Variants in PDE10A observed in about 807,000 individuals in gnomAD.
The protein encoded by PDE10A is cAMP and cAMP-inhibited cGMP 3',5'-cyclic phosphodiesterase 10A.
A neutral mutation model predicts 97.7 loss-of-function variants in PDE10A; 39 were observed. The observed-to-expected ratio is 0.40, with a 90% CI of 0.31 to 0.52. The LOEUF (loss-of-function observed/expected upper bound fraction) is 0.52. Ranked by LOEUF, PDE10A falls within the 20% of genes least tolerant of loss-of-function variation. The pLI, the probability that PDE10A is intolerant of heterozygous loss-of-function variation, is 0.56. For synonymous variants in PDE10A, 371 were observed against 376.8 expected (o/e 0.98, Z 0.18); for missense variants, 731 against 1,047.8 (o/e 0.70, Z 4.17).
At chr6:165,566,389 T>C (rs1784780782) in intron 1 of PDE10A, among the ~76,000 whole-genome samples, 1 of 152,136 alleles carries the variant, frequency 6.6e-6, no homozygotes, top group Non-Finnish European at 1.5e-5. Flanking sequence ...CATACCTATT[T>C]AAATGGCCAA....
chr6:165,339,798 T>C (rs1311821328), intron 19 of PDE10A, among the ~76,000 whole-genome samples: 1 of 152,210 alleles, frequency 6.6e-6, no homozygotes, highest in African/African-American at 2.4e-5. Context: ...TCGACTAAAA[T>C]GTGCTAGTAA....
intron 1 of PDE10A, among the ~76,000 whole-genome samples, chr6:165,625,917 C>T (rs535529330): frequency 8.5e-5 from 13 of 152,260 alleles, no homozygotes; most frequent in South Asian, 4.1e-4. Flanking sequence ...ATATATGATT[C>T]GTTGCGTTCG....
In PDE10A at chr6:165,447,873, A is replaced by T. The variant is rs570904415; in HGVS notation, c.1194+1055T>A. ...ATAAGCCTTTCATTTTTGAGGTAAC[A>T]AGCGTAATTTGTTACAATACAAGGG... On this transcript the variant is annotated intron_variant, in intron 5 of 21. Coordinates refer to ENST00000539869, the MANE Select transcript of PDE10A (RefSeq NM_001385079.1). Among the ~76,000 whole-genome samples, 8 of 152,360 alleles carry T rather than the reference A, an allele frequency of 5.3e-5. No individual in the cohort carries two copies. The South Asian group carries it at 1.4e-3, about 28-fold the overall frequency.
chr6:165,788,082 A>G (rs1778542132), intron 1 of PDE10A, among the ~76,000 whole-genome samples: 1 of 152,214 alleles, frequency 6.6e-6, no homozygotes, highest in Non-Finnish European at 1.5e-5. Context: ...CATCCTTGCT[A>G]TATTAACTGA....
Position 165,430,362 on chromosome 6 carries a change from T to A in PDE10A, c.1543-17A>T, listed in dbSNP as rs1789463826. Reference sequence around the variant, plus strand: ...TCTGCATACCTACCATATAAAATAATAGGTACAATTACAAGAGATTTCTGC... The same window carrying A: ...TCTGCATACCTACCATATAAAATAAAAGGTACAATTACAAGAGATTTCTGC... On this transcript the variant is annotated splice_polypyrimidine_tract_variant and intron_variant, in intron 8 of 21. Transcript: ENST00000539869. 6.7e-7 allele frequency: 1 copy of A among 1,489,940 alleles called. No homozygotes were observed. The highest frequency in any genetic ancestry group is 1.4e-5 in the African/African-American group (1 of 71,864). 92.3% of individuals were successfully genotyped at this position (1,489,940 alleles called of 1,614,324 possible). A position where few individuals can be genotyped will look rare whatever the true frequency, so the allele number is the denominator to read the frequency against.
chr6:165,811,999 C>T (rs1460257636), intron 1 of PDE10A, among the ~76,000 whole-genome samples: 1 of 152,100 alleles, frequency 6.6e-6, no homozygotes, highest in Non-Finnish European at 1.5e-5. Context: ...ATTACAGGCA[C>T]ACGCCACCAT....
intron 2 of PDE10A, among the ~76,000 whole-genome samples, chr6:165,514,454 T>A (rs1037863963): frequency 6.6e-6 from 1 of 152,206 alleles, no homozygotes; most frequent in Non-Finnish European, 1.5e-5. Context: ...CCTGTATCAG[T>A]GTGTAAACCT....
intron 1 of PDE10A, among the ~76,000 whole-genome samples, chr6:165,612,376 G>A (rs1031259415): frequency 3.4e-5 from 5 of 147,636 alleles, no homozygotes; most frequent in Admixed American, 6.8e-5. Flanking sequence ...AATAAACACA[G>A]ATTTTTTTTT....
At chr6:165,714,010 T>G (rs916011143) in intron 1 of PDE10A, among the ~76,000 whole-genome samples, 7 of 152,198 alleles carry the variant, frequency 4.6e-5, no homozygotes, top group Non-Finnish European at 1.0e-4. Flanking sequence ...ACTGCCCATG[T>G]ATAGGGAGGG....
intron 1 of PDE10A, among the ~76,000 whole-genome samples, chr6:165,980,641 G>A (rs1784986308): frequency 6.6e-6 from 1 of 152,194 alleles, no homozygotes; most frequent in African/African-American, 2.4e-5. Flanking sequence ...ATGTGCTCAG[G>A]AAATTTCTGG....
chr6:165,459,522 T>TAGATAGATAGAC (rs1218763848), intron 3 of PDE10A, among the ~76,000 whole-genome samples: 30 of 106,182 alleles, frequency 2.8e-4, no homozygotes, highest in East Asian at 2.0e-3. Context: ...GATAGATAGA[T>TAGATAGATAGAC]AGACAGACAG....
intron 18 of PDE10A, among the ~76,000 whole-genome samples, chr6:165,351,171 C>A (rs1375721157): frequency 6.6e-6 from 1 of 151,992 alleles, no homozygotes; most frequent in African/African-American, 2.4e-5. Context: ...TGACTTTATA[C>A]ACAATTGGGC....
At chr6:165,588,862 T>C (rs1786082838) in intron 1 of PDE10A, among the ~76,000 whole-genome samples, 1 of 152,152 alleles carries the variant, frequency 6.6e-6, no homozygotes, top group Admixed American at 6.5e-5. Context: ...TTTGTGAATG[T>C]TAAATGAGGT....
chr6:165,893,100 G>A (rs1781848495), intron 1 of PDE10A, among the ~76,000 whole-genome samples: 1 of 152,140 alleles, frequency 6.6e-6, no homozygotes, highest in African/African-American at 2.4e-5. Flanking sequence ...ACTCCATTTT[G>A]AAATAGTTAC....
chr6:165,332,967 T>G lies in PDE10A; in HGVS notation c.*58A>C. 1.1e-5 allele frequency: 6 copies of G among 552,636 alleles called. No individual in the cohort carries two copies. Among genetic ancestry groups the G allele is most frequent in the Admixed American group, 5.4e-5 (2 of 36,822 alleles). The allele number at this position is 552,636 out of a possible 1,614,324, so 34.2% of individuals were successfully genotyped here. On this transcript the variant is annotated 3_prime_UTR_variant, in exon 22 of 22. Coordinates refer to ENST00000539869, the MANE Select transcript of PDE10A (RefSeq NM_001385079.1). ...ACCCCCCCCAAAAAAAGGAAAAGAA[T>G]GTCAAAGAAGCAAGATGAGGATCTG...
intron 2 of PDE10A, among the ~76,000 whole-genome samples, chr6:165,501,489 C>T (rs1212478060): frequency 6.6e-6 from 1 of 151,710 alleles, no homozygotes; most frequent in South Asian, 2.1e-4. Flanking sequence ...AGGAGAATGG[C>T]GTGAACCCAG....
chr6:165,351,071 A>T (rs9459377), intron 18 of PDE10A, among the ~76,000 whole-genome samples: 21,728 of 152,198 alleles, frequency 0.14, 2,317 homozygotes, highest in African/African-American at 0.29. Context: ...TTTAAAAAAA[A>T]TTATTATTAA....
intron 1 of PDE10A, among the ~76,000 whole-genome samples, chr6:165,583,322 A>C (rs1412498402): frequency 6.6e-6 from 1 of 152,224 alleles, no homozygotes; most frequent in Non-Finnish European, 1.5e-5. Flanking sequence ...CTACCTCTTC[A>C]GTCTTACTGC....
At chr6:165,531,936 T>G (rs548248563) in intron 2 of PDE10A, among the ~76,000 whole-genome samples, 32 of 152,238 alleles carry the variant, frequency 2.1e-4, no homozygotes, top group South Asian at 4.1e-4. Context: ...TTTCAAGATT[T>G]ATAATCTGTA....
Sources: allele counts gnomAD v4.1 joint callset (sites outside exome capture counted in the v4.1 genomes callset), GRCh38; gene constraint gnomAD v4.1.1; transcripts MANE v1.5; gene names NCBI Gene and HGNC (gene_info 2026-07-23, HGNC 2026-07-21).